The following RNF150 variants were observed in gnomAD, a reference collection of about 807,000 sequenced individuals.
RNF150 encodes ring finger protein 150.
A neutral mutation model predicts 39.3 loss-of-function variants in RNF150; 24 were observed. The ratio of observed to expected loss-of-function variants is 0.61; its 90% CI spans 0.44 to 0.86. RNF150 has a LOEUF of 0.86. Among genes scored for constraint, RNF150 ranks in the 40% least tolerant of loss-of-function variants. The probability of loss-of-function intolerance (pLI) is 0.00; values close to 1 mark genes in which losing one functional copy is unlikely to be tolerated. For synonymous variants in RNF150, 255 were observed against 227.3 expected (o/e 1.12, Z -1.10); for missense variants, 502 against 587.8 (o/e 0.85, Z 1.51).
At chr4:140,945,892 T>C (rs1198013099) in intron 4 of RNF150, among the ~76,000 whole-genome samples, 2 of 152,086 alleles carry the variant, frequency 1.3e-5, no homozygotes, top group African/African-American at 4.8e-5. Context: ...GGAAAGCACT[T>C]TGCTTATATC....
At chr4:140,926,140 A>G in intron 4 of RNF150, 67 bp from the exon 5 acceptor site, 1 of 1,143,242 alleles carries the variant, frequency 8.7e-7, no homozygotes, top group Admixed American at 1.8e-5. Flanking sequence ...ACCATGGCCC[A>G]GGGACTCGTC....
intron 1 of RNF150, among the ~76,000 whole-genome samples, chr4:141,049,243 A>C (rs1287144442): frequency 6.6e-6 from 1 of 152,104 alleles, no homozygotes; most frequent in East Asian, 1.9e-4. Context: ...AGCACAAATA[A>C]GTATAAGGAC....
chr4:141,108,405 A>G (rs1469379987), intron 1 of RNF150, among the ~76,000 whole-genome samples: 3 of 152,170 alleles, frequency 2.0e-5, no homozygotes, highest in African/African-American at 7.2e-5. Context: ...TACATTATCA[A>G]TATTTTACAG....
chr4:141,138,635 A>G (rs753370411), intron 1 of RNF150, among the ~76,000 whole-genome samples: 2 of 152,160 alleles, frequency 1.3e-5, no homozygotes, highest in Non-Finnish European at 2.9e-5. Flanking sequence ...GGGGAGGTAC[A>G]GTGCTGTAGT....
chr4:140,926,240 G>C (rs1006468296), intron 4 of RNF150, among the ~76,000 whole-genome samples, 167 bp from the exon 5 acceptor site: 1 of 152,168 alleles, frequency 6.6e-6, no homozygotes, highest in African/African-American at 2.4e-5. Context: ...ATAACCTGTG[G>C]TGATATAGTC....
chr4:141,069,636 T>C (rs1737611726), intron 1 of RNF150, among the ~76,000 whole-genome samples: 1 of 151,166 alleles, frequency 6.6e-6, no homozygotes, highest in African/African-American at 2.4e-5. Flanking sequence ...GAAGGAATGG[T>C]ACCAGTTCCT....
chr4:141,045,980 T>C (rs1007420951), intron 1 of RNF150, among the ~76,000 whole-genome samples: 1 of 152,184 alleles, frequency 6.6e-6, no homozygotes, highest in Non-Finnish European at 1.5e-5. Context: ...ACACACTTCT[T>C]GGTCAAGGTC....
At chr4:140,927,541 C>T (rs78125180) in intron 4 of RNF150, among the ~76,000 whole-genome samples, 3,664 of 152,210 alleles carry the variant, frequency 0.024, 166 homozygotes, top group African/African-American at 0.082. Flanking sequence ...TGCCTTCTGC[C>T]ATGATTGTAA....
chr4:141,065,598 C>T (rs1231034082), intron 1 of RNF150, among the ~76,000 whole-genome samples: 6 of 151,306 alleles, frequency 4.0e-5, no homozygotes, highest in South Asian at 2.1e-4. Context: ...CTAAGAAAGG[C>T]GAATTTTAGA....
At chr4:140,892,400 C>T (rs188782381) in intron 6 of RNF150, among the ~76,000 whole-genome samples, 2 of 152,318 alleles carry the variant, frequency 1.3e-5, no homozygotes, top group African/African-American at 4.8e-5. Flanking sequence ...TGTAGTGATG[C>T]AACAACAAGG....
intron 1 of RNF150, among the ~76,000 whole-genome samples, chr4:141,097,509 T>G (rs1235040642): frequency 6.6e-6 from 1 of 151,670 alleles, no homozygotes; most frequent in Non-Finnish European, 1.5e-5. Context: ...ACTTTTTTTT[T>G]CTTAATAATA....
chr4:141,014,389 A>T (rs891673765), intron 1 of RNF150, among the ~76,000 whole-genome samples: 1 of 152,130 alleles, frequency 6.6e-6, no homozygotes, highest in African/African-American at 2.4e-5. Context: ...CATAGTGGTT[A>T]TAGTTTTAGT....
At chr4:140,927,638 G>A in intron 4 of RNF150, among the ~76,000 whole-genome samples, 1 of 123,164 alleles carries the variant, frequency 8.1e-6, no homozygotes, top group South Asian at 3.0e-4. Context: ...TAAACCTCTT[G>A]TTTTTTTGTT....
intron 1 of RNF150, among the ~76,000 whole-genome samples, chr4:141,090,388 A>T (rs1317259821): frequency 6.6e-6 from 1 of 152,240 alleles, no homozygotes; most frequent in Non-Finnish European, 1.5e-5. Context: ...ATAAAAAGAC[A>T]TAAAATTTTA....
intron 1 of RNF150, among the ~76,000 whole-genome samples, chr4:141,208,321 T>C (rs894157634): frequency 3.3e-5 from 5 of 152,096 alleles, no homozygotes; most frequent in African/African-American, 1.2e-4. Flanking sequence ...TCTATCTCAT[T>C]GTTCCCATTG....
chr4:141,148,526 C>T (rs1220044602), intron 1 of RNF150, among the ~76,000 whole-genome samples: 7 of 152,092 alleles, frequency 4.6e-5, no homozygotes, highest in Non-Finnish European at 8.8e-5. Flanking sequence ...TCACTGTAAC[C>T]TCTGCCTCCC....
At chr4:141,067,442 G>T (rs1737505415) in intron 1 of RNF150, among the ~76,000 whole-genome samples, 1 of 152,128 alleles carries the variant, frequency 6.6e-6, no homozygotes, top group African/African-American at 2.4e-5. Flanking sequence ...GTATTCCTTG[G>T]ACTCATCAAA....
chr4:141,092,415 G>A (rs1257145560), intron 1 of RNF150, among the ~76,000 whole-genome samples: 1 of 151,776 alleles, frequency 6.6e-6, no homozygotes, highest in Non-Finnish European at 1.5e-5. Flanking sequence ...GGAAATACAA[G>A]CAATATCTTA....
At chr4:141,164,029 T>C (rs182345551) in intron 1 of RNF150, among the ~76,000 whole-genome samples, 139 of 151,254 alleles carry the variant, frequency 9.2e-4, no homozygotes, top group African/African-American at 3.2e-3. Context: ...CATCTTCTAA[T>C]CCAATGCAAG....
Sources: gnomAD v4.1 joint callset for allele counts (sites outside exome capture counted in the v4.1 genomes callset) on GRCh38, gnomAD v4.1.1 for gene constraint, MANE v1.5 for transcripts, NCBI Gene and HGNC (gene_info 2026-07-23, HGNC 2026-07-21) for gene names.